STX18: variants seen among roughly 807,000 people sequenced by gnomAD.
STX18 encodes syntaxin-18.
In STX18, 40 loss-of-function variants were observed where a neutral mutation model predicts 50.1. The observed-to-expected ratio is 0.80, with a 90% CI of 0.62 to 1.04. The LOEUF (loss-of-function observed/expected upper bound fraction) is 1.04. Among genes scored for constraint, STX18 ranks in the 50% least tolerant of loss-of-function variants. The pLI is 0.00. For synonymous variants in STX18, 158 were observed against 151.8 expected (o/e 1.04, Z -0.30); for missense variants, 410 against 415.8 (o/e 0.99, Z 0.12).
intron 1 of STX18, among the ~76,000 whole-genome samples, chr4:4,484,408 CA>C (rs564954090): frequency 3.3e-4 from 51 of 152,300 alleles, no homozygotes; most frequent in Admixed American, 1.0e-3. Flanking sequence ...GCTGAATTTA[CA>C]TCGACTAAAA....
chr4:4,464,605 A>G (rs973339758), intron 2 of STX18, among the ~76,000 whole-genome samples: 6 of 152,202 alleles, frequency 3.9e-5, no homozygotes, highest in African/African-American at 1.4e-4. Context: ...TTTCTCTGAC[A>G]AGGCTAAATT....
At chr4:4,423,736 G>T in intron 8 of STX18, 149 bp from the exon 9 acceptor site, 2 of 740,732 alleles carry the variant, frequency 2.7e-6, no homozygotes, top group South Asian at 1.7e-5. Context: ...GGAGATGGGA[G>T]AGGAAGGCGA....
intron 9 of STX18, 125 bp downstream of exon 9, chr4:4,423,393 G>A: frequency 1.1e-6 from 1 of 906,342 alleles, no homozygotes; most frequent in Non-Finnish European, 1.8e-6. Flanking sequence ...ACACACACCT[G>A]CTAGCAACAC....
chr4:4,522,557 T>G (rs1464571149), intron 1 of STX18, among the ~76,000 whole-genome samples: 5 of 152,138 alleles, frequency 3.3e-5, no homozygotes, highest in African/African-American at 1.2e-4. Flanking sequence ...CTAGCCTGAT[T>G]AAAAGTAACA....
Position 4,540,925 on chromosome 4 carries a change from G to A in STX18, c.168+872C>T, listed in dbSNP as rs1577417811. ...GGGTCCCTCTCTTCAATCTTCCAAAGCTCTGAATCTTTCTTGGTGATTTTT... is the reference window on the plus strand; with the variant it reads ...GGGTCCCTCTCTTCAATCTTCCAAAACTCTGAATCTTTCTTGGTGATTTTT... On this transcript the variant is annotated intron_variant, in intron 1 of 10. Coordinates refer to ENST00000306200, the MANE Select transcript of STX18 (RefSeq NM_016930.4). Among the ~76,000 whole-genome samples, 2 of 152,140 alleles carry A rather than the reference G, an allele frequency of 1.3e-5. 1 individual carries two copies. The highest frequency in any genetic ancestry group is 3.8e-4 in the East Asian group (2 of 5,196).
chr4:4,487,322 T>A (rs747432880), intron 1 of STX18, among the ~76,000 whole-genome samples: 1 of 152,186 alleles, frequency 6.6e-6, no homozygotes, highest in African/African-American at 2.4e-5. Flanking sequence ...CTACACTGAA[T>A]CATCCAAATC....
At chr4:4,451,080 A>G (rs956611543) in intron 5 of STX18, among the ~76,000 whole-genome samples, 8 of 152,208 alleles carry the variant, frequency 5.3e-5, no homozygotes, top group South Asian at 2.1e-4. Context: ...AATTTGGGGG[A>G]AAGAAAGCAA....
At chr4:4,465,956 G>A (rs1727601266) in intron 2 of STX18, among the ~76,000 whole-genome samples, 1 of 152,158 alleles carries the variant, frequency 6.6e-6, no homozygotes, top group Admixed American at 6.5e-5. Flanking sequence ...ATAAATAACT[G>A]CAGAATGAAT....
intron 1 of STX18, among the ~76,000 whole-genome samples, chr4:4,474,240 G>C (rs1196437088): frequency 6.6e-6 from 1 of 152,142 alleles, no homozygotes. Flanking sequence ...GTTCCTTCAT[G>C]ATAACAATGA....
intron 5 of STX18, among the ~76,000 whole-genome samples, chr4:4,438,866 A>C (rs568961419): frequency 6.6e-6 from 1 of 151,828 alleles, no homozygotes; most frequent in East Asian, 1.9e-4. Context: ...GTTGACACTA[A>C]TGCAAAAAGA....
At chr4:4,438,989 TAC>T (rs1725941977) in intron 5 of STX18, among the ~76,000 whole-genome samples, 1 of 144,752 alleles carries the variant, frequency 6.9e-6, no homozygotes, top group South Asian at 2.2e-4. Flanking sequence ...CCCACACATA[TAC>T]ACACACCACA....
chr4:4,468,810 AAG>A (rs955637995), intron 2 of STX18, among the ~76,000 whole-genome samples: 88 of 152,326 alleles, frequency 5.8e-4, no homozygotes, highest in African/African-American at 2.1e-3. Context: ...TATGTCCACA[AAG>A]AGACTTGTAG....
intron 1 of STX18, among the ~76,000 whole-genome samples, chr4:4,531,208 T>A (rs1264263857): frequency 6.6e-6 from 1 of 151,976 alleles, no homozygotes; most frequent in East Asian, 1.9e-4. Context: ...AAAAAATTCA[T>A]ATATGCATAT....
Position 4,421,043 on chromosome 4 carries a change from G to A in STX18, c.832-99C>T, listed in dbSNP as rs1400057611. 1.9e-5 allele frequency: 23 copies of A among 1,225,926 alleles called. No homozygotes were observed. The East Asian group carries it at 2.6e-4, about 14-fold the overall frequency. 75.9% of individuals were successfully genotyped at this position (1,225,926 alleles called of 1,614,324 possible). On this transcript the variant is annotated intron_variant, in intron 9 of 10. Transcript: ENST00000306200. ...CATTTCCTTTGAGTGTCATGTCAGC[G>A]CTCAGAAAGTTTCAGATTTTGGAGC...
At chr4:4,542,167 A>C (rs1296709746), upstream of STX18, 3 of 596,712 alleles carry the variant, frequency 5.0e-6, no homozygotes, top group South Asian at 6.0e-5. Context: ...CACCTGGCGG[A>C]GGAGGAACCT....
chr4:4,542,097 G>A, upstream of STX18: 6 of 1,177,186 alleles, frequency 5.1e-6, no homozygotes, highest in Middle Eastern at 3.1e-4. Context: ...CGAGAAGAAA[G>A]GTTCCGGCCT....
intron 7 of STX18, among the ~76,000 whole-genome samples, chr4:4,429,004 G>A (rs545538611): frequency 3.4e-4 from 52 of 152,188 alleles, no homozygotes; most frequent in African/African-American, 1.1e-3. Context: ...ACGCTGTTAC[G>A]GTCTCCTACC....
chr4:4,457,478 C>T lies in STX18; in HGVS notation c.375G>A (p.Gln125=), dbSNP rs778107911. ...CAGCGGTCCTGTGCTCCTTCACTTG[C>T]TGGGAATGTATCTCCTTGTGAGCTG... is the stretch of plus-strand genomic sequence containing the variant. ...RTEAHKEIHS[Q]QVKEHRTAVL... Residue 125 remains glutamine, a synonymous_variant, in exon 4 of 11, where the codon CAG becomes CAA. Transcript: ENST00000306200. The T allele has an allele frequency of 6.2e-6, 10 of 1,614,066 alleles. No homozygotes were observed. The highest frequency in any genetic ancestry group is 7.6e-6 in the Non-Finnish European group (9 of 1,179,970).
At position 4,430,932 on chromosome 4, in the gene STX18, C is replaced by T. The variant is rs538623752; in HGVS notation, c.702+3838G>A. Among the ~76,000 whole-genome samples the T allele has an allele frequency of 1.1e-4, 16 of 152,244 alleles. No homozygotes were observed. The South Asian group carries it at 3.3e-3, about 32-fold the overall frequency. On this transcript the variant is annotated intron_variant, in intron 7 of 10. Coordinates refer to ENST00000306200, the MANE Select transcript of STX18 (RefSeq NM_016930.4). ...AAATTCATAGCCAACTCTGTCTAGTCCCAAAGCCTATGTTCTTTCATCATC... is the reference window on the plus strand; with the variant it reads ...AAATTCATAGCCAACTCTGTCTAGTTCCAAAGCCTATGTTCTTTCATCATC...
Sources: gnomAD v4.1 joint callset for allele counts (sites outside exome capture counted in the v4.1 genomes callset) on GRCh38, gnomAD v4.1.1 for gene constraint, MANE v1.5 for transcripts, NCBI Gene and HGNC (gene_info 2026-07-23, HGNC 2026-07-21) for gene names.